The following SDK1 variants were observed in gnomAD, a reference collection of about 807,000 sequenced individuals.
SDK1 encodes the protein protein sidekick-1.
Under a neutral mutation model 245.5 loss-of-function variants are expected in SDK1, and 157 were observed. The ratio of observed to expected loss-of-function variants is 0.64; its 90% CI spans 0.56 to 0.73. The LOEUF (loss-of-function observed/expected upper bound fraction) is 0.73. Ranked by LOEUF, SDK1 falls within the 30% of genes least tolerant of loss-of-function variation. The pLI is 0.00. For missense variants in SDK1, 3,583 were observed against 3,002.3 expected, an observed-to-expected ratio of 1.19 and a Z score of -4.52; for synonymous variants, 1,647 against 1,278.5, an observed-to-expected ratio of 1.29 and a Z score of -6.15.
chr7:3,303,142 A>T (rs1272312102), intron 1 of SDK1, among the ~76,000 whole-genome samples: 1 of 152,012 alleles, frequency 6.6e-6, no homozygotes, highest in Non-Finnish European at 1.5e-5. Context: ...GGTTAATTTA[A>T]CTCCTCCATT....
At chr7:4,058,875 G>C (rs1358019314) in intron 19 of SDK1, among the ~76,000 whole-genome samples, 1 of 152,152 alleles carries the variant, frequency 6.6e-6, no homozygotes, top group Non-Finnish European at 1.5e-5. Context: ...TGAAGTGAAA[G>C]AACAATATCT....
chr7:3,449,159 G>T (rs1780436797), intron 1 of SDK1, among the ~76,000 whole-genome samples: 2 of 152,166 alleles, frequency 1.3e-5, no homozygotes, highest in African/African-American at 4.8e-5. Context: ...TGTAGGAATG[G>T]TTCTCCAAGT....
intron 1 of SDK1, among the ~76,000 whole-genome samples, chr7:3,307,429 C>T (rs772924248): frequency 6.6e-6 from 1 of 152,164 alleles, no homozygotes; most frequent in African/African-American, 2.4e-5. Flanking sequence ...GTTATTGATC[C>T]TATACCTGAG....
At chr7:3,974,705 G>GT (rs1028382268) in intron 13 of SDK1, 160 bp downstream of exon 13, 3 of 595,614 alleles carry the variant, frequency 5.0e-6, no homozygotes, top group African/African-American at 1.9e-5. Flanking sequence ...TATGGACAAG[G>GT]TTTTTTTGTG....
chr7:3,988,811 G>T (rs1233333093), intron 14 of SDK1, among the ~76,000 whole-genome samples: 1 of 152,122 alleles, frequency 6.6e-6, no homozygotes, highest in African/African-American at 2.4e-5. Context: ...TTGCTCTGTC[G>T]CCCAGGCTGG....
chr7:4,259,184 A>G (rs1487503975), intron 44 of SDK1, among the ~76,000 whole-genome samples: 1 of 152,186 alleles, frequency 6.6e-6, no homozygotes, highest in Admixed American at 6.5e-5. Flanking sequence ...CACACCTGTA[A>G]TCTCGGCACT....
intron 5 of SDK1, among the ~76,000 whole-genome samples, chr7:3,937,859 A>G (rs58250705): frequency 0.017 from 2,514 of 151,904 alleles, 67 homozygotes; most frequent in African/African-American, 0.057. Context: ...TTTCTTTGAG[A>G]CAGAGTCTCA....
chr7:3,633,823 T>C (rs1043734214), intron 2 of SDK1, among the ~76,000 whole-genome samples: 2 of 152,052 alleles, frequency 1.3e-5, no homozygotes, highest in African/African-American at 4.8e-5. Context: ...AGAATCAGCC[T>C]GGAGATTGGG....
intron 7 of SDK1, among the ~76,000 whole-genome samples, chr7:3,957,052 G>A (rs1781326624): frequency 6.6e-6 from 1 of 152,150 alleles, no homozygotes; most frequent in Non-Finnish European, 1.5e-5. Flanking sequence ...AATCTCAAGG[G>A]AACCATGAAG....
At chr7:3,871,389 G>A (rs79736700) in intron 5 of SDK1, among the ~76,000 whole-genome samples, 2,331 of 152,142 alleles carry the variant, frequency 0.015, 69 homozygotes, top group African/African-American at 0.054. Context: ...TCTTCCTCTC[G>A]AATCTGTATT....
chr7:3,975,297 G>C (rs1782829746), intron 13 of SDK1, among the ~76,000 whole-genome samples: 1 of 152,150 alleles, frequency 6.6e-6, no homozygotes, highest in South Asian at 2.1e-4. Flanking sequence ...TGAAAATAAA[G>C]AATCCCAACC....
intron 20 of SDK1, 43 bp from the exon 21 acceptor site, chr7:4,076,955 G>T: frequency 6.4e-7 from 1 of 1,562,202 alleles, no homozygotes; most frequent in Non-Finnish European, 8.8e-7. Context: ...TGAGCCCTTG[G>T]CCTTCAGGAG....
At chr7:4,260,902 G>A (rs1056193519) in intron 44 of SDK1, among the ~76,000 whole-genome samples, 31 of 152,308 alleles carry the variant, frequency 2.0e-4, no homozygotes, top group African/African-American at 7.0e-4. Context: ...GTCTCGGTGT[G>A]TGTGGGAAGA....
chr7:3,370,666 C>T (rs1181446021), intron 1 of SDK1, among the ~76,000 whole-genome samples: 4 of 152,194 alleles, frequency 2.6e-5, no homozygotes, highest in Admixed American at 2.6e-4. Context: ...GAATGTTCTT[C>T]AATATGGCTG....
At chr7:3,981,825 G>T (rs1223770945) in intron 13 of SDK1, among the ~76,000 whole-genome samples, 1 of 152,172 alleles carries the variant, frequency 6.6e-6, no homozygotes, top group Non-Finnish European at 1.5e-5. Context: ...GAAAGATGCC[G>T]TCCCCATAAC....
intron 1 of SDK1, among the ~76,000 whole-genome samples, chr7:3,604,602 C>CTTTTTTTTTTTT (rs201453008): frequency 9.0e-6 from 1 of 110,524 alleles, no homozygotes; most frequent in African/African-American, 3.4e-5. Flanking sequence ...CTTTTCTTTT[C>CTTTTTTTTTTTT]TTTTTTTTTT....
At chr7:3,427,882 C>T (rs1010098675) in intron 1 of SDK1, among the ~76,000 whole-genome samples, 2 of 111,782 alleles carry the variant, frequency 1.8e-5, no homozygotes, top group Admixed American at 7.8e-5. Flanking sequence ...TCTTAGATGT[C>T]GTTAGTGTCT....
chr7:3,820,439 C>A (rs555648298), intron 4 of SDK1, among the ~76,000 whole-genome samples: 1 of 152,152 alleles, frequency 6.6e-6, no homozygotes, highest in Non-Finnish European at 1.5e-5. Context: ...TGAGCCACTG[C>A]GCTCAGCCCA....
At chr7:3,606,761 C>T (rs1263323894) in intron 1 of SDK1, among the ~76,000 whole-genome samples, 1 of 151,942 alleles carries the variant, frequency 6.6e-6, no homozygotes, top group Admixed American at 6.6e-5. Context: ...TTCTTTTTTC[C>T]TCTTCTTCCT....
Sources: allele counts gnomAD v4.1 joint callset (sites outside exome capture counted in the v4.1 genomes callset), GRCh38; gene constraint gnomAD v4.1.1; transcripts MANE v1.5; gene names NCBI Gene and HGNC (gene_info 2026-07-23, HGNC 2026-07-21).